ERMP1: variants seen among roughly 807,000 people sequenced by gnomAD.
ERMP1 encodes Felix-ina.
In ERMP1, 86 loss-of-function variants were observed where a neutral mutation model predicts 92.0. The observed-to-expected ratio is 0.93, with a 90% CI of 0.79 to 1.12. The LOEUF (loss-of-function observed/expected upper bound fraction) is 1.12. Among genes scored for constraint, ERMP1 ranks in the 50% most tolerant of loss-of-function variants. ERMP1 has a pLI of 0.00. For missense variants in ERMP1, 1,342 were observed against 1,116.3 expected (o/e 1.20, Z -2.88); for synonymous variants, 530 against 412.8 (o/e 1.28, Z -3.44).
chr9:5,853,878 G>A (rs543032127), intron 6 of ERMP1, among the ~76,000 whole-genome samples: 1 of 151,328 alleles, frequency 6.6e-6, no homozygotes, highest in African/African-American at 2.4e-5. Flanking sequence ...GAGTAGCACT[G>A]CTCTAGGGTG....
chr9:5,824,038 C>G (rs771160600), intron 3 of ERMP1, 37 bp from the exon 4 acceptor site: 1 of 1,525,732 alleles, frequency 6.6e-7, no homozygotes, highest in Admixed American at 1.7e-5. Context: ...ATTTGTTAAA[C>G]AATCTTAAAT....
At chr9:5,835,722 GCAGTGAAAGGT>G (rs1830088949), upstream of ERMP1, among the ~76,000 whole-genome samples, 1 of 152,194 alleles carries the variant, frequency 6.6e-6, no homozygotes. Context: ...GTGGTTTTGA[GCAGTGAAAGGT>G]CATGCTTTAG....
intron 6 of ERMP1, among the ~76,000 whole-genome samples, chr9:5,848,410 G>C (rs1261466092): frequency 6.6e-6 from 1 of 152,104 alleles, no homozygotes; most frequent in African/African-American, 2.4e-5. Flanking sequence ...CAGCTCTGCC[G>C]AGCCATTTCA....
chr9:5,866,701 T>C (rs1352192812), intron 5 of ERMP1, among the ~76,000 whole-genome samples: 1 of 152,178 alleles, frequency 6.6e-6, no homozygotes, highest in Non-Finnish European at 1.5e-5. Context: ...ATTAATAGTA[T>C]TATAAAAGTT....
intron 6 of ERMP1, among the ~76,000 whole-genome samples, chr9:5,852,257 T>C (rs1830318788): frequency 7.6e-6 from 1 of 131,450 alleles, no homozygotes; most frequent in Non-Finnish European, 1.8e-5. Flanking sequence ...AGAGTGTTTT[T>C]TTTTGTTTTT....
chr9:5,861,842 C>T (rs1032946093), intron 5 of ERMP1, among the ~76,000 whole-genome samples: 5 of 150,540 alleles, frequency 3.3e-5, no homozygotes, highest in African/African-American at 1.2e-4. Flanking sequence ...TCCAGGCCAC[C>T]CTGGGGAGAT....
intron 6 of ERMP1, among the ~76,000 whole-genome samples, chr9:5,859,111 C>T (rs1312253561): frequency 1.3e-5 from 2 of 152,202 alleles, no homozygotes; most frequent in Non-Finnish European, 2.9e-5. Context: ...ACTCTAATGC[C>T]TCTGACTCCA....
rs781611805 is a variant in ERMP1 at position 5,830,710 on chromosome 9, A to G, written c.640+17T>C. The G allele has an allele frequency of 4.4e-6, 7 of 1,581,654 alleles. No homozygotes were observed. The highest frequency in any genetic ancestry group is 3.4e-6 in the Non-Finnish European group (4 of 1,162,046). ...GGGCTGTGACAAGTTCCAAATGACT[A>G]AAAAACAGGTACATACCTGGTGAGT... On this transcript the variant is annotated intron_variant, in intron 2 of 14. Coordinates refer to ENST00000339450, the MANE Select transcript of ERMP1 (RefSeq NM_024896.3).
intron 11 of ERMP1, among the ~76,000 whole-genome samples, chr9:5,799,405 G>A (rs1490021654): frequency 2.0e-5 from 3 of 152,128 alleles, no homozygotes; most frequent in Non-Finnish European, 2.9e-5. Context: ...AGTGGGAATT[G>A]CAGCTCACCA....
intron 13 of ERMP1, among the ~76,000 whole-genome samples, chr9:5,796,992 A>G (rs141846746): frequency 2.0e-3 from 303 of 152,290 alleles, no homozygotes; most frequent in African/African-American, 6.9e-3. Flanking sequence ...TGAGAACTCT[A>G]TAATTTCTAC....
At chr9:5,809,151 AG>A (rs1828989214) in intron 8 of ERMP1, among the ~76,000 whole-genome samples, 1 of 152,102 alleles carries the variant, frequency 6.6e-6, no homozygotes, top group Non-Finnish European at 1.5e-5. Context: ...CCTCCCGAGC[AG>A]CTGGGACTAC....
intron 8 of ERMP1, among the ~76,000 whole-genome samples, chr9:5,807,993 T>C (rs746907073): frequency 1.3e-5 from 2 of 151,580 alleles, no homozygotes; most frequent in Non-Finnish European, 2.9e-5. Flanking sequence ...TTGTTTTTTT[T>C]AAAAAAAAAT....
intron 4 of ERMP1, among the ~76,000 whole-genome samples, chr9:5,820,603 A>G (rs1829495261): frequency 6.6e-6 from 1 of 152,304 alleles, no homozygotes; most frequent in African/African-American, 2.4e-5. Context: ...ATTAGGTAGT[A>G]ATGATTATTC....
chr9:5,820,784 C>G (rs182439564), intron 4 of ERMP1, among the ~76,000 whole-genome samples: 1 of 152,166 alleles, frequency 6.6e-6, no homozygotes, highest in Non-Finnish European at 1.5e-5. Flanking sequence ...TACTCTCAAG[C>G]ACAACTCCAA....
intron 6 of ERMP1, among the ~76,000 whole-genome samples, chr9:5,845,539 C>T (rs1370087662): frequency 2.0e-5 from 3 of 152,072 alleles, no homozygotes; most frequent in Admixed American, 6.6e-5. Flanking sequence ...ATTGATTGAT[C>T]GATCGATAGA....
intron 12 of ERMP1, 152 bp downstream of exon 12, chr9:5,798,654 A>G: frequency 1.9e-6 from 1 of 514,140 alleles, no homozygotes; most frequent in Non-Finnish European, 3.4e-6. Flanking sequence ...ATTCCACTAA[A>G]AAAAAAAAAA....
Position 5,810,114 on chromosome 9 carries a change from A to G in ERMP1, c.1445T>C (p.Leu482Pro). The G allele has an allele frequency of 6.2e-7, 1 of 1,613,932 alleles. No homozygotes were observed. Among genetic ancestry groups the G allele is most frequent in the Non-Finnish European group, 8.5e-7 (1 of 1,179,798 alleles). ...AVFISLIGQS[L>P]SWYNHFYVSV... is the part of the protein sequence containing the mutation. ...GACATAGAAGTGGTTATACCATGAG[A>G]GAGACTGTCCAATAAGAGAGATGAA... The change falls in exon 8 of 15, where the codon CTC becomes CCC. Residue 482 changes from leucine to proline, a missense_variant. Transcript: ENST00000339450.
intron 11 of ERMP1, among the ~76,000 whole-genome samples, chr9:5,799,486 C>T (rs182851216): frequency 9.9e-5 from 15 of 152,134 alleles, no homozygotes; most frequent in Admixed American, 4.6e-4. Flanking sequence ...TAACTTTATT[C>T]ACGGCAGAAA....
chr9:5,804,480 A>G (rs1285254565), intron 10 of ERMP1, among the ~76,000 whole-genome samples: 1 of 152,212 alleles, frequency 6.6e-6, no homozygotes, highest in African/African-American at 2.4e-5. Context: ...AAGGCCTGTG[A>G]TCATTTCATT....
Sources: allele counts gnomAD v4.1 joint callset (sites outside exome capture counted in the v4.1 genomes callset), GRCh38; gene constraint gnomAD v4.1.1; transcripts MANE v1.5; gene names NCBI Gene and HGNC (gene_info 2026-07-23, HGNC 2026-07-21).